The following DACH1 variants were observed in gnomAD, a reference collection of about 807,000 sequenced individuals.
The protein encoded by DACH1 is dachshund family transcription factor 1.
In DACH1, 12 loss-of-function variants were observed where a neutral mutation model predicts 54.2. The ratio of observed to expected loss-of-function variants is 0.22; its 90% CI spans 0.14 to 0.36. DACH1 has a LOEUF of 0.36. DACH1 is among the 10% of genes least tolerant of loss of function. The probability of loss-of-function intolerance (pLI) is 1.00; values close to 1 mark genes in which losing one functional copy is unlikely to be tolerated. For synonymous variants in DACH1, 386 were observed against 366.2 expected (o/e 1.05, Z -0.62); for missense variants, 805 against 929.8 (o/e 0.87, Z 1.75).
chr13:71,610,995 T>A (rs554766746), intron 3 of DACH1, among the ~76,000 whole-genome samples: 3 of 152,182 alleles, frequency 2.0e-5, no homozygotes, highest in Non-Finnish European at 4.4e-5. Context: ...TTGAGCCCCA[T>A]ACACACAAAG....
At chr13:71,511,194 G>A (rs1368562287) in intron 6 of DACH1, among the ~76,000 whole-genome samples, 1 of 152,016 alleles carries the variant, frequency 6.6e-6, no homozygotes, top group Non-Finnish European at 1.5e-5. Context: ...TGTGAGTATG[G>A]AAGAAAGATG....
intron 1 of DACH1, among the ~76,000 whole-genome samples, chr13:71,796,117 A>G (rs1316763683): frequency 1.3e-5 from 2 of 152,162 alleles, no homozygotes; most frequent in Non-Finnish European, 2.9e-5. Flanking sequence ...TTTGGATTTT[A>G]TAACACTCAA....
At chr13:71,584,279 A>C (rs916751034) in intron 3 of DACH1, among the ~76,000 whole-genome samples, 3 of 152,230 alleles carry the variant, frequency 2.0e-5, no homozygotes, top group African/African-American at 7.2e-5. Flanking sequence ...TTTAGTTAAA[A>C]TGATCTGTGT....
At chr13:71,709,094 C>A (rs1882591101) in intron 1 of DACH1, among the ~76,000 whole-genome samples, 1 of 151,970 alleles carries the variant, frequency 6.6e-6, no homozygotes. Context: ...ACCTCATGAT[C>A]CTCCTGCCTC....
chr13:71,594,692 G>T (rs1283358389), intron 3 of DACH1, among the ~76,000 whole-genome samples: 1 of 151,868 alleles, frequency 6.6e-6, no homozygotes, highest in Admixed American at 6.6e-5. Context: ...TTCTCCTTAG[G>T]TCTTTCTGGA....
intron 1 of DACH1, among the ~76,000 whole-genome samples, chr13:71,701,731 T>A (rs896418068): frequency 3.3e-5 from 5 of 152,144 alleles, no homozygotes; most frequent in African/African-American, 1.2e-4. Context: ...CTGTGTGAGA[T>A]GATAAAATAT....
intron 6 of DACH1, among the ~76,000 whole-genome samples, chr13:71,510,505 T>G (rs112712512): frequency 2.6e-5 from 4 of 152,062 alleles, no homozygotes; most frequent in Non-Finnish European, 5.9e-5. Context: ...CAGGGTCAAA[T>G]AACAAGATGA....
intron 3 of DACH1, among the ~76,000 whole-genome samples, chr13:71,585,311 G>A (rs970516742): frequency 1.3e-5 from 2 of 151,908 alleles, no homozygotes; most frequent in African/African-American, 2.4e-5. Flanking sequence ...CATGTGTGTT[G>A]GAAAAAAAAT....
At chr13:71,799,870 G>A (rs1484507263) in intron 1 of DACH1, among the ~76,000 whole-genome samples, 1 of 151,940 alleles carries the variant, frequency 6.6e-6, no homozygotes, top group African/African-American at 2.4e-5. Flanking sequence ...CTCCATTTTC[G>A]GATGGAAAAA....
At chr13:71,647,716 G>A (rs1213455571) in intron 2 of DACH1, among the ~76,000 whole-genome samples, 1 of 152,112 alleles carries the variant, frequency 6.6e-6, no homozygotes, top group Admixed American at 6.5e-5. Context: ...ATCAAGTTAG[G>A]ATTCTGTTAG....
chr13:71,836,825 T>C (rs1325358), intron 1 of DACH1, among the ~76,000 whole-genome samples: 151,626 of 152,166 alleles, frequency 1, 75,547 homozygotes, highest in Non-Finnish European at 1. Context: ...GTAATTTGCT[T>C]ATTGATTATG....
chr13:71,500,852 C>T (rs2138232237), intron 6 of DACH1, among the ~76,000 whole-genome samples: 1 of 151,996 alleles, frequency 6.6e-6, no homozygotes, highest in African/African-American at 2.4e-5. Context: ...ATCATAGAAT[C>T]TACTTAAAAA....
In DACH1 at chr13:71,866,907, A is replaced by C; in HGVS notation, c.-138T>G. On this transcript the variant is annotated 5_prime_UTR_variant, in exon 1 of 11. Transcript: ENST00000613252. ...ACTCCGGGAGAGAACGAGAAGGAGA[A>C]AGGGAGAGAAGGGGGAGAAAAGGAG... 21 of 565,078 alleles carry C rather than the reference A, an allele frequency of 3.7e-5. No homozygotes were observed. The highest frequency in any genetic ancestry group is 1.0e-4 in the East Asian group (2 of 19,792). The allele number at this position is 565,078 out of a possible 1,614,324, so 35.0% of individuals were successfully genotyped here.
intron 3 of DACH1, among the ~76,000 whole-genome samples, chr13:71,623,662 G>T (rs746795387): frequency 4.6e-5 from 7 of 151,474 alleles, no homozygotes; most frequent in Non-Finnish European, 7.4e-5. Context: ...TTTTATTGAG[G>T]TTTCAAAAAT....
intron 6 of DACH1, among the ~76,000 whole-genome samples, chr13:71,492,977 G>A (rs529344262): frequency 3.3e-5 from 5 of 151,436 alleles, no homozygotes; most frequent in East Asian, 1.9e-4. Flanking sequence ...TTTTGTTTAC[G>A]GTAGTTACAT....
At chr13:71,762,561 G>A (rs1015378246) in intron 1 of DACH1, among the ~76,000 whole-genome samples, 6 of 152,018 alleles carry the variant, frequency 3.9e-5, no homozygotes, top group Non-Finnish European at 8.8e-5. Flanking sequence ...GAGGTCAGGA[G>A]TTTGAGACCA....
In DACH1 at chr13:71,557,152, T is replaced by C. The variant is rs760000933; in HGVS notation, c.1442A>G (p.His481Arg). Residue 481 changes from histidine to arginine, a missense_variant, in exon 6 of 11, where the codon CAT becomes CGT. Coordinates refer to ENST00000613252, the MANE Select transcript of DACH1 (RefSeq NM_080759.6). ...TESSSDRIPVHQNGLSMNQML... is the reference protein window; with the variant it reads ...TESSSDRIPVRQNGLSMNQML... ...CTGGTTCATGGACAACCCATTCTGA[T>C]GGACCGCTATTATGGCCCAAAAGAA... The C allele has an allele frequency of 3.1e-6, 5 of 1,605,386 alleles. No homozygotes were observed. Among genetic ancestry groups the C allele is most frequent in the Non-Finnish European group, 4.2e-6 (5 of 1,177,034 alleles).
At chr13:71,693,559 C>A (rs931125101) in intron 1 of DACH1, among the ~76,000 whole-genome samples, 1 of 147,930 alleles carries the variant, frequency 6.8e-6, no homozygotes, top group African/African-American at 2.5e-5. Context: ...ACCTGGTGAT[C>A]CGCCCGCCTC....
intron 6 of DACH1, among the ~76,000 whole-genome samples, chr13:71,500,875 T>A (rs528000142): frequency 1.5e-3 from 229 of 152,212 alleles, no homozygotes; most frequent in African/African-American, 4.9e-3. Flanking sequence ...GGTTTTTTTT[T>A]AAATTAAGCC....
Sources: gnomAD v4.1 joint callset for allele counts (sites outside exome capture counted in the v4.1 genomes callset) on GRCh38, gnomAD v4.1.1 for gene constraint, MANE v1.5 for transcripts, NCBI Gene and HGNC (gene_info 2026-07-23, HGNC 2026-07-21) for gene names.